Variants in PRR5L observed in about 807,000 individuals in gnomAD.
PRR5L encodes the protein proline rich 5 like.
Under a neutral mutation model 36.4 loss-of-function variants are expected in PRR5L, and 21 were observed. The observed-to-expected ratio is 0.58, with a 90% confidence interval of 0.41 to 0.83. The LOEUF (loss-of-function observed/expected upper bound fraction) is 0.83, where lower values mean the gene tolerates loss of function less well. Among genes scored for constraint, PRR5L ranks in the 40% least tolerant of loss-of-function variants. The pLI, the probability that PRR5L is intolerant of heterozygous loss-of-function variation, is 0.00. For missense variants in PRR5L, 381 were observed against 473.3 expected (o/e 0.80, Z 1.81); for synonymous variants, 188 against 197.0 (o/e 0.95, Z 0.38).
intron 1 of PRR5L, among the ~76,000 whole-genome samples, chr11:36,316,465 T>C (rs1380975904): frequency 6.6e-6 from 1 of 152,174 alleles, no homozygotes; most frequent in African/African-American, 2.4e-5. Flanking sequence ...GGGGATGGGA[T>C]TTTTTAAAGA....
chr11:36,441,985 G>C (rs141747704), intron 6 of PRR5L, among the ~76,000 whole-genome samples: 3 of 152,232 alleles, frequency 2.0e-5, no homozygotes, highest in Non-Finnish European at 4.4e-5. Flanking sequence ...CCTGAGCGTG[G>C]CCTCCAAAAC....
chr11:36,332,354 G>A (rs1462413001), intron 1 of PRR5L, among the ~76,000 whole-genome samples: 1 of 152,158 alleles, frequency 6.6e-6, no homozygotes, highest in East Asian at 1.9e-4. Flanking sequence ...TGCAGCTGTT[G>A]CCAGTTCTCC....
intron 3 of PRR5L, among the ~76,000 whole-genome samples, chr11:36,404,969 C>T (rs1276442789): frequency 6.6e-6 from 1 of 152,168 alleles, no homozygotes; most frequent in African/African-American, 2.4e-5. Context: ...AAATTCTGGC[C>T]TTTCCATGAG....
intron 1 of PRR5L, among the ~76,000 whole-genome samples, chr11:36,367,120 C>T (rs1337340282): frequency 7.9e-5 from 12 of 152,042 alleles, no homozygotes; most frequent in African/African-American, 1.4e-4. Flanking sequence ...TTTAAGATTA[C>T]GACTGTATTT....
intron 1 of PRR5L, among the ~76,000 whole-genome samples, chr11:36,334,623 C>T (rs980476775): frequency 6.6e-6 from 1 of 152,212 alleles, no homozygotes; most frequent in Non-Finnish European, 1.5e-5. Context: ...TTGATCTAAA[C>T]TCTTCAGCAT....
At chr11:36,363,040 C>G (rs1005460135) in intron 1 of PRR5L, among the ~76,000 whole-genome samples, 2 of 152,234 alleles carry the variant, frequency 1.3e-5, no homozygotes, top group Non-Finnish European at 2.9e-5. Context: ...GGCTATGTCA[C>G]TGGACCAGGC....
At chr11:36,307,285 G>A (rs893106563) in intron 1 of PRR5L, among the ~76,000 whole-genome samples, 5 of 152,064 alleles carry the variant, frequency 3.3e-5, no homozygotes, top group East Asian at 1.9e-4. Context: ...AGGTACTGGC[G>A]CAAAAATGAA....
intron 7 of PRR5L, among the ~76,000 whole-genome samples, chr11:36,447,377 G>A (rs1338997638): frequency 6.6e-6 from 1 of 152,204 alleles, no homozygotes; most frequent in Non-Finnish European, 1.5e-5. Context: ...TGGGCTAGAT[G>A]ATTCCTCTTT....
chr11:36,339,538 C>T (rs1263697055), intron 1 of PRR5L, among the ~76,000 whole-genome samples: 2 of 152,208 alleles, frequency 1.3e-5, no homozygotes, highest in African/African-American at 4.8e-5. Flanking sequence ...AGGCACTATG[C>T]TAGTCTTTCA....
At chr11:36,374,083 TTC>T (rs1565424634) in intron 1 of PRR5L, among the ~76,000 whole-genome samples, 2 of 117,618 alleles carry the variant, frequency 1.7e-5, no homozygotes, top group African/African-American at 7.2e-5. Flanking sequence ...CCTTCCTTCC[TTC>T]CTTCCTTCCT....
intron 1 of PRR5L, among the ~76,000 whole-genome samples, chr11:36,298,671 G>T (rs2133445703): frequency 6.6e-6 from 1 of 152,336 alleles, no homozygotes; most frequent in Non-Finnish European, 1.5e-5. Flanking sequence ...GTTCCTAACA[G>T]ACCACAGACC....
At chr11:36,428,086 G>A (rs1393270646) in intron 4 of PRR5L, among the ~76,000 whole-genome samples, 1 of 152,216 alleles carries the variant, frequency 6.6e-6, no homozygotes, top group Non-Finnish European at 1.5e-5. Flanking sequence ...CAGGGTGCAT[G>A]CCAAGTCCTG....
chr11:36,307,889 T>C (rs1399427971), intron 1 of PRR5L, among the ~76,000 whole-genome samples: 2 of 152,156 alleles, frequency 1.3e-5, no homozygotes, highest in African/African-American at 4.8e-5. Context: ...ATTCCTAGAG[T>C]TTTCTCCTTG....
intron 1 of PRR5L, among the ~76,000 whole-genome samples, chr11:36,347,078 C>T (rs1287904905): frequency 6.6e-6 from 1 of 152,148 alleles, no homozygotes. Flanking sequence ...CTTTGAATAT[C>T]GTGTATGTGT....
At chr11:36,393,356 A>T (rs189799321) in intron 1 of PRR5L, among the ~76,000 whole-genome samples, 1 of 152,110 alleles carries the variant, frequency 6.6e-6, no homozygotes, top group Non-Finnish European at 1.5e-5. Flanking sequence ...TTTGATTTTT[A>T]TATATAAGAT....
chr11:36,446,160 T>C (rs1161212626), intron 6 of PRR5L, 140 bp from the exon 7 acceptor site: 21 of 907,358 alleles, frequency 2.3e-5, no homozygotes, highest in Non-Finnish European at 3.4e-5. Flanking sequence ...CTTTGGCTCT[T>C]TGAAAGACAC....
intron 1 of PRR5L, among the ~76,000 whole-genome samples, chr11:36,340,244 T>G (rs1345430609): frequency 1.3e-5 from 2 of 152,236 alleles, no homozygotes; most frequent in African/African-American, 4.8e-5. Flanking sequence ...ACACAAAGTC[T>G]GGATTTTTAG....
chr11:36,345,275 C>A (rs1462610752), intron 1 of PRR5L, among the ~76,000 whole-genome samples: 2 of 151,870 alleles, frequency 1.3e-5, no homozygotes, highest in African/African-American at 2.4e-5. Flanking sequence ...GGCACAAGGT[C>A]GATGATGGGA....
At chr11:36,338,887 AG>A (rs1856792810) in intron 1 of PRR5L, among the ~76,000 whole-genome samples, 2 of 152,054 alleles carry the variant, frequency 1.3e-5, no homozygotes, top group South Asian at 4.2e-4. Flanking sequence ...GTGCTGTGGG[AG>A]GGACCTAATG....
Sources: gnomAD v4.1 joint callset for allele counts (sites outside exome capture counted in the v4.1 genomes callset) on GRCh38, gnomAD v4.1.1 for gene constraint, MANE v1.5 for transcripts, NCBI Gene and HGNC (gene_info 2026-07-23, HGNC 2026-07-21) for gene names.